Variants in KLHL1 observed in about 807,000 individuals in gnomAD.
KLHL1 encodes kelch-like protein 1.
In KLHL1, 47 loss-of-function variants were observed where a neutral mutation model predicts 77.7. The ratio of observed to expected loss-of-function variants is 0.60; its 90% CI spans 0.48 to 0.77. The LOEUF (loss-of-function observed/expected upper bound fraction) is 0.77. Ranked by LOEUF, KLHL1 falls within the 30% of genes least tolerant of loss-of-function variation. KLHL1 has a pLI of 0.00. For missense variants in KLHL1, 925 were observed against 910.8 expected (o/e 1.02, Z -0.20); for synonymous variants, 360 against 325.2 (o/e 1.11, Z -1.15).
At chr13:70,035,676 G>A (rs12868879) in intron 1 of KLHL1, among the ~76,000 whole-genome samples, 1 of 151,938 alleles carries the variant, frequency 6.6e-6, no homozygotes, top group Non-Finnish European at 1.5e-5. Flanking sequence ...AGGAGACTGA[G>A]GTAGTTTTGG....
intron 4 of KLHL1, among the ~76,000 whole-genome samples, chr13:69,923,047 G>T (rs188401503): frequency 6.6e-6 from 1 of 152,236 alleles, no homozygotes; most frequent in African/African-American, 2.4e-5. Context: ...GAAGATGGAA[G>T]CAAATGCAAC....
intron 3 of KLHL1, among the ~76,000 whole-genome samples, chr13:69,954,782 C>T (rs11616799): frequency 0.087 from 12,593 of 144,530 alleles, 591 homozygotes; most frequent in Non-Finnish European, 0.11. Flanking sequence ...TAGTTTCATA[C>T]GATAGTACTA....
intron 3 of KLHL1, among the ~76,000 whole-genome samples, chr13:69,960,772 A>T (rs1884037189): frequency 6.6e-6 from 1 of 152,102 alleles, no homozygotes; most frequent in Non-Finnish European, 1.5e-5. Flanking sequence ...ATAACACGAT[A>T]CAAAGATTAA....
intron 3 of KLHL1, among the ~76,000 whole-genome samples, chr13:69,949,305 G>A (rs1275012371): frequency 6.6e-6 from 1 of 150,874 alleles, no homozygotes; most frequent in Non-Finnish European, 1.5e-5. Context: ...TCTAGGCTGC[G>A]GAAGTTTTCA....
At chr13:69,776,155 C>T (rs1034021710) in intron 7 of KLHL1, among the ~76,000 whole-genome samples, 5 of 148,770 alleles carry the variant, frequency 3.4e-5, no homozygotes, top group South Asian at 2.1e-4. Context: ...GACTCCGTCT[C>T]GGAAAAAAAA....
intron 8 of KLHL1, among the ~76,000 whole-genome samples, chr13:69,733,354 G>T (rs919075435): frequency 6.6e-6 from 1 of 152,026 alleles, no homozygotes; most frequent in African/African-American, 2.4e-5. Context: ...AAGCTAATTT[G>T]CAAACAATGT....
intron 2 of KLHL1, among the ~76,000 whole-genome samples, chr13:69,967,033 C>G (rs1158031242): frequency 6.6e-6 from 1 of 151,972 alleles, no homozygotes; most frequent in Non-Finnish European, 1.5e-5. Context: ...TAGGTTGATT[C>G]CATATATCTG....
intron 1 of KLHL1, among the ~76,000 whole-genome samples, chr13:69,991,162 G>A (rs940346956): frequency 2.0e-5 from 3 of 151,948 alleles, no homozygotes; most frequent in African/African-American, 7.2e-5. Flanking sequence ...GCATTGTGAA[G>A]AGGAAAATTT....
intron 8 of KLHL1, among the ~76,000 whole-genome samples, chr13:69,721,077 A>ATATATATATATACAAATTCCTTG (rs1873033451): frequency 1.4e-5 from 1 of 70,674 alleles, no homozygotes; most frequent in Non-Finnish European, 3.3e-5. Context: ...ATATATATAT[A>ATATATATATATACAAATTCCTTG]TAAAGCTATG....
intron 5 of KLHL1, among the ~76,000 whole-genome samples, chr13:69,878,008 A>G (rs1880831339): frequency 6.6e-6 from 1 of 152,206 alleles, no homozygotes; most frequent in African/African-American, 2.4e-5. Context: ...AATATGTCCA[A>G]GTCAAGTTGG....
intron 7 of KLHL1, among the ~76,000 whole-genome samples, chr13:69,753,662 T>C (rs1438047844): frequency 6.6e-6 from 1 of 152,154 alleles, no homozygotes; most frequent in East Asian, 1.9e-4. Flanking sequence ...ATTCAATCAT[T>C]GGCAAAAACA....
intron 7 of KLHL1, among the ~76,000 whole-genome samples, chr13:69,748,784 G>C (rs998537477): frequency 1.6e-5 from 2 of 123,480 alleles, no homozygotes; most frequent in Non-Finnish European, 3.6e-5. Context: ...TGGTCAGGAT[G>C]GTCTGTCTTA....
chr13:69,788,336 A>C (rs1335950152), intron 7 of KLHL1, among the ~76,000 whole-genome samples: 1 of 152,200 alleles, frequency 6.6e-6, no homozygotes, highest in African/African-American at 2.4e-5. Context: ...CAGCCATAAA[A>C]AATAAAGAGT....
chr13:69,736,269 G>A (rs1358313213), intron 8 of KLHL1, among the ~76,000 whole-genome samples: 2 of 151,906 alleles, frequency 1.3e-5, no homozygotes, highest in Non-Finnish European at 1.5e-5. Context: ...TACAAATGAG[G>A]AACAAACATA....
At chr13:69,870,933 T>C (rs1880557717) in intron 5 of KLHL1, among the ~76,000 whole-genome samples, 1 of 152,096 alleles carries the variant, frequency 6.6e-6, no homozygotes, top group African/African-American at 2.4e-5. Flanking sequence ...CTTGCAACTC[T>C]TCCAGGCTGA....
chr13:69,961,711 A>G (rs1219248063), intron 2 of KLHL1, among the ~76,000 whole-genome samples: 1 of 152,020 alleles, frequency 6.6e-6, no homozygotes, highest in Non-Finnish European at 1.5e-5. Context: ...CTTAAATAAT[A>G]TATTATAGTT....
chr13:70,087,248 C>T (rs777213357), intron 1 of KLHL1, among the ~76,000 whole-genome samples: 25 of 151,854 alleles, frequency 1.6e-4, no homozygotes, highest in Non-Finnish European at 2.9e-4. Context: ...AATGTTTAGG[C>T]GATTTATATT....
rs1168339337 is a variant in KLHL1 at position 70,001,653 on chromosome 13, TC to T, written c.498-25852del. Among the ~76,000 whole-genome samples the T allele has an allele frequency of 4.8e-3, 598 of 124,120 alleles. 6 individuals carry two copies. The highest frequency in any genetic ancestry group is 0.016 in the African/African-American group (546 of 34,044). 81.4% of individuals were successfully genotyped at this position (124,120 alleles called of 152,430 possible). ...TTCTACTGAAACATTGGGATATCTATCTATTATCTATCTATCTATCTATCTA... is the reference window on the plus strand; with the variant it reads ...TTCTACTGAAACATTGGGATATCTATTATTATCTATCTATCTATCTATCTA... On this transcript the variant is annotated intron_variant, in intron 1 of 10. Transcript: ENST00000377844.
chr13:69,935,223 A>ATAGTTCACCTACTGGTGAACGTGGTC lies in KLHL1; in HGVS notation c.1014+4816_1014+4817insGACCACGTTCACCAGTAGGTGAACTA, dbSNP rs1566419728. On this transcript the variant is annotated intron_variant, in intron 4 of 10. Transcript: ENST00000377844. ...CATAGTTGGTACTGGTGAACTTGGTACATAGTTCACCCACTGGTGAACTTG... is the reference window on the plus strand; with the variant it reads ...CATAGTTGGTACTGGTGAACTTGGTATAGTTCACCTACTGGTGAACGTGGTCCATAGTTCACCCACTGGTGAACTTG... Among the ~76,000 whole-genome samples the ATAGTTCACCTACTGGTGAACGTGGTC allele has an allele frequency of 2.0e-4, 28 of 142,530 alleles. 1 individual carries two copies. Among genetic ancestry groups the ATAGTTCACCTACTGGTGAACGTGGTC allele is most frequent in the Middle Eastern group, 3.7e-3 (1 of 270 alleles). The allele number at this position is 142,530 out of a possible 152,430, so 93.5% of individuals were successfully genotyped here.
Sources: gnomAD v4.1 joint callset for allele counts (sites outside exome capture counted in the v4.1 genomes callset) on GRCh38, gnomAD v4.1.1 for gene constraint, MANE v1.5 for transcripts, NCBI Gene and HGNC (gene_info 2026-07-23, HGNC 2026-07-21) for gene names.